SULF1: variants seen among roughly 807,000 people sequenced by gnomAD.
The protein encoded by SULF1 is extracellular sulfatase Sulf-1.
Under a neutral mutation model 110.5 loss-of-function variants are expected in SULF1, and 46 were observed. That is an observed-to-expected ratio of 0.42 (90% CI 0.33 to 0.53). The LOEUF (loss-of-function observed/expected upper bound fraction) is 0.53. Ranked by LOEUF, SULF1 falls within the 20% of genes least tolerant of loss-of-function variation. SULF1 has a pLI of 0.12. For synonymous variants in SULF1, 371 were observed against 387.1 expected (o/e 0.96, Z 0.49); for missense variants, 941 against 1,094.2 (o/e 0.86, Z 1.98).
Position 69,606,820 on chromosome 8 carries a change from T to C in SULF1, c.1377+1888T>C, listed in dbSNP as rs560391299. Among the ~76,000 whole-genome samples, 178 of 152,368 alleles carry C rather than the reference T, an allele frequency of 1.2e-3. 2 individuals carry two copies. Among genetic ancestry groups the C allele is most frequent in the African/African-American group, 4.2e-3 (174 of 41,600 alleles). On this transcript the variant is annotated intron_variant, in intron 13 of 22. Transcript: ENST00000402687. The stretch of plus-strand genomic sequence containing the variant: ...CTGGAATTTTCTTCCACTGTTTCAT[T>C]TCGCTGTGAATCAGTCTGAATTTAG...
In SULF1 at chr8:69,613,302, G is replaced by GTTT. The variant is rs368550157; in HGVS notation, c.1378-7719_1378-7717dup. On this transcript the variant is annotated intron_variant, in intron 13 of 22. Coordinates refer to ENST00000402687, the MANE Select transcript of SULF1 (RefSeq NM_001128205.2). ...AGGTAATGTGATGCCTACAGATTTG[G>GTTT]TTTTTTTTTTTTTTTTGCTTAATAT... 2.0e-3 allele frequency among the ~76,000 whole-genome samples: 223 copies of GTTT among 111,130 alleles called. 7 individuals are homozygous for GTTT. The South Asian group carries it at 0.026, about 13-fold the overall frequency. 72.9% of individuals were successfully genotyped at this position (111,130 alleles called of 152,430 possible).
chr8:69,506,235 T>TACACACACAC (rs10656748), intron 3 of SULF1, among the ~76,000 whole-genome samples: 42 of 149,908 alleles, frequency 2.8e-4, no homozygotes, highest in African/African-American at 9.8e-4. Context: ...ACACTAAACA[T>TACACACACAC]ACACACACAC....
At chr8:69,516,870 C>T (rs1292764716) in intron 3 of SULF1, among the ~76,000 whole-genome samples, 1 of 151,912 alleles carries the variant, frequency 6.6e-6, no homozygotes, top group Non-Finnish European at 1.5e-5. Flanking sequence ...AAACAAATAC[C>T]TTAACAAGCT....
At chr8:69,652,573 T>C (rs979916551) in intron 22 of SULF1, among the ~76,000 whole-genome samples, 2 of 152,252 alleles carry the variant, frequency 1.3e-5, no homozygotes, top group Non-Finnish European at 2.9e-5. Flanking sequence ...TTTCTATCTA[T>C]ATTGGGTTGT....
intron 15 of SULF1, 107 bp from the exon 16 acceptor site, chr8:69,627,103 G>GT (rs1297053184): frequency 1.3e-6 from 1 of 798,488 alleles, no homozygotes. Flanking sequence ...GTTACTGCAT[G>GT]TATCAACATT....
At chr8:69,488,324 C>T (rs1809784329), upstream of SULF1, among the ~76,000 whole-genome samples, 1 of 152,212 alleles carries the variant, frequency 6.6e-6, no homozygotes, top group South Asian at 2.1e-4. Flanking sequence ...ATTTAAATGA[C>T]AAGAGTAGAA....
At chr8:69,537,198 T>C (rs1017556952) in intron 3 of SULF1, among the ~76,000 whole-genome samples, 14 of 152,118 alleles carry the variant, frequency 9.2e-5, no homozygotes, top group African/African-American at 3.4e-4. Context: ...ACACTCTATT[T>C]GTCTCTGCTG....
At chr8:69,633,094 A>C (rs1332134682) in intron 19 of SULF1, among the ~76,000 whole-genome samples, 14 of 152,184 alleles carry the variant, frequency 9.2e-5, no homozygotes, top group Admixed American at 9.2e-4. Context: ...TAAACGTTTA[A>C]AAAAGAGTTT....
upstream of SULF1, among the ~76,000 whole-genome samples, chr8:69,489,241 G>T (rs1377843629): frequency 6.6e-6 from 1 of 152,064 alleles, no homozygotes. Flanking sequence ...CACCTATTTT[G>T]TCTCACAGGA....
intron 5 of SULF1, among the ~76,000 whole-genome samples, chr8:69,575,417 CT>C (rs60253937): frequency 0.033 from 5,010 of 152,238 alleles, 266 homozygotes; most frequent in African/African-American, 0.11. Context: ...ATTTGGTGAG[CT>C]TGCTAGAGGA....
chr8:69,612,287 AT>A (rs767337772), intron 13 of SULF1, among the ~76,000 whole-genome samples: 5 of 152,028 alleles, frequency 3.3e-5, no homozygotes, highest in Non-Finnish European at 5.9e-5. Flanking sequence ...TATTTTTGTA[AT>A]TGCTAATTGT....
chr8:69,588,886 T>G, intron 7 of SULF1, 86 bp from the exon 8 acceptor site: 1 of 1,370,278 alleles, frequency 7.3e-7, no homozygotes. Context: ...TGCAGTGAAT[T>G]GCTTCTGAGG....
At chr8:69,554,936 G>GCCACTGCA (rs61416395) in intron 3 of SULF1, among the ~76,000 whole-genome samples, 7,521 of 132,050 alleles carry the variant, frequency 0.057, 720 homozygotes, top group African/African-American at 0.2. Flanking sequence ...CCGAGACTGC[G>GCCACTGCA]CCACTGCACT....
At chr8:69,630,120 T>C (rs1366480846) in intron 19 of SULF1, among the ~76,000 whole-genome samples, 1 of 152,246 alleles carries the variant, frequency 6.6e-6, no homozygotes, top group Non-Finnish European at 1.5e-5. Flanking sequence ...GCAGGGCCCA[T>C]ACTCTACTTA....
chr8:69,490,673 G>A (rs1809898227), upstream of SULF1, among the ~76,000 whole-genome samples: 1 of 152,056 alleles, frequency 6.6e-6, no homozygotes, highest in Admixed American at 6.6e-5. Flanking sequence ...TAATATCTCA[G>A]GTTTCTTCCA....
At chr8:69,509,462 A>G (rs1186370033) in intron 3 of SULF1, among the ~76,000 whole-genome samples, 1 of 152,348 alleles carries the variant, frequency 6.6e-6, no homozygotes, top group Non-Finnish European at 1.5e-5. Context: ...AATAAAAGTG[A>G]AAAATATAGC....
At chr8:69,473,458 C>T (rs181824299) in intron 1 of SULF1, 41 of 152,272 alleles carry the variant, frequency 2.7e-4, no homozygotes, top group Admixed American at 7.8e-4. Flanking sequence ...TAATCAAATT[C>T]TAAAATAAAG....
intron 13 of SULF1, among the ~76,000 whole-genome samples, chr8:69,620,069 G>A (rs544464021): frequency 6.6e-6 from 1 of 152,250 alleles, no homozygotes; most frequent in African/African-American, 2.4e-5. Flanking sequence ...TGTTGGAGGT[G>A]GCTCTCAGTG....
intron 3 of SULF1, among the ~76,000 whole-genome samples, chr8:69,511,509 C>T (rs896069339): frequency 2.0e-5 from 3 of 152,162 alleles, no homozygotes; most frequent in African/African-American, 4.8e-5. Context: ...CTGAGCTTCA[C>T]GAAAGAGTAA....
Sources: gnomAD v4.1 joint callset for allele counts (sites outside exome capture counted in the v4.1 genomes callset) on GRCh38, gnomAD v4.1.1 for gene constraint, MANE v1.5 for transcripts, NCBI Gene and HGNC (gene_info 2026-07-23, HGNC 2026-07-21) for gene names.